RPSA2: variants seen among roughly 807,000 people sequenced by gnomAD.
RPSA2 encodes the protein ribosomal protein SA 2, also known as small ribosomal subunit protein uS2B.
At chr19:23,858,845 C>A in the RPSA2 span, among the ~76,000 whole-genome samples, 2 of 152,192 alleles carry the variant, frequency 1.3e-5, no homozygotes, top group African/African-American at 4.8e-5. Flanking sequence ...GTTTCTCATG[C>A]ACTCTGTAAA....
chr19:23,857,758 G>A, the RPSA2 span, among the ~76,000 whole-genome samples: 1 of 152,016 alleles, frequency 6.6e-6, no homozygotes, highest in East Asian at 1.9e-4. Flanking sequence ...GCCTCCCAAA[G>A]TGCTGGGATT....
chr19:23,829,615 A>G, the RPSA2 span, among the ~76,000 whole-genome samples: 1 of 152,206 alleles, frequency 6.6e-6, no homozygotes, highest in Non-Finnish European at 1.5e-5. Context: ...TTGTGTATTT[A>G]TACAAATATT....
At chr19:23,784,588 G>A in the RPSA2 span, among the ~76,000 whole-genome samples, 1 of 152,218 alleles carries the variant, frequency 6.6e-6, no homozygotes, top group Non-Finnish European at 1.5e-5. Context: ...GATCACCACT[G>A]TTGCCTATTG....
the RPSA2 span, chr19:23,827,531 G>A: frequency 1.9e-6 from 3 of 1,596,876 alleles, no homozygotes; most frequent in Middle Eastern, 2.1e-4. Flanking sequence ...GCTTCTTGTG[G>A]TTACTGACCC....
At chr19:23,774,543 T>G in the RPSA2 span, among the ~76,000 whole-genome samples, 283 of 152,344 alleles carry the variant, frequency 1.9e-3, 1 homozygote, top group Admixed American at 3.7e-3. Context: ...GACATATTAC[T>G]GGGCTCAACA....
the RPSA2 span, among the ~76,000 whole-genome samples, chr19:23,840,140 CTG>C: frequency 5.3e-5 from 8 of 152,330 alleles, no homozygotes; most frequent in Admixed American, 4.6e-4. Context: ...CAGGTCAAAA[CTG>C]TGTCCACATT....
the RPSA2 span, among the ~76,000 whole-genome samples, chr19:23,780,303 A>G: frequency 1.3e-5 from 2 of 152,090 alleles, no homozygotes; most frequent in African/African-American, 2.4e-5. Flanking sequence ...GGAAAAGCCC[A>G]CCGATGAGGC....
the RPSA2 span, among the ~76,000 whole-genome samples, chr19:23,773,812 G>A: frequency 6.6e-6 from 1 of 152,136 alleles, no homozygotes; most frequent in African/African-American, 2.4e-5. Context: ...GTCCACAGGA[G>A]GAGTATAGGC....
chr19:23,853,999 T>G, the RPSA2 span, among the ~76,000 whole-genome samples: 1 of 152,170 alleles, frequency 6.6e-6, no homozygotes, highest in African/African-American at 2.4e-5. Context: ...TGGACCATTG[T>G]TTAGAAATTA....
chr19:23,838,817 A>G, the RPSA2 span, among the ~76,000 whole-genome samples: 1 of 151,772 alleles, frequency 6.6e-6, no homozygotes, highest in Non-Finnish European at 1.5e-5. Flanking sequence ...TTTCTCAGTG[A>G]GGTTATTTGG....
At chr19:23,809,517 T>A in the RPSA2 span, 1 of 151,792 alleles carries the variant, frequency 6.6e-6, no homozygotes, top group Non-Finnish European at 1.5e-5. Flanking sequence ...TTAAATTTAT[T>A]TGTGTCCTCT....
At chr19:23,848,382 AAAACAAGCCGATT>A in the RPSA2 span, among the ~76,000 whole-genome samples, 1 of 152,088 alleles carries the variant, frequency 6.6e-6, no homozygotes, top group African/African-American at 2.4e-5. Context: ...CAGCACACTA[AAAACAAGCCGATT>A]AAACAGATAA....
chr19:23,821,870 G>A, the RPSA2 span, among the ~76,000 whole-genome samples: 1 of 152,158 alleles, frequency 6.6e-6, no homozygotes, highest in Non-Finnish European at 1.5e-5. Context: ...CCGCTAACAG[G>A]TTGGCCTTTT....
the RPSA2 span, among the ~76,000 whole-genome samples, chr19:23,765,476 T>A: frequency 6.6e-6 from 1 of 152,118 alleles, no homozygotes. Flanking sequence ...AATGAGATTA[T>A]GTCCATTGCA....
the RPSA2 span, among the ~76,000 whole-genome samples, chr19:23,853,361 C>CT: frequency 1.5e-3 from 53 of 34,238 alleles, no homozygotes; most frequent in African/African-American, 4.0e-3. Flanking sequence ...TGCCTGATTT[C>CT]TTTTTTACTA....
chr19:23,814,866 G>T, the RPSA2 span, among the ~76,000 whole-genome samples: 1 of 152,046 alleles, frequency 6.6e-6, no homozygotes, highest in Non-Finnish European at 1.5e-5. Context: ...TTTGTTTGGA[G>T]ACAGGATCTT....
At chr19:23,852,278 T>C in the RPSA2 span, among the ~76,000 whole-genome samples, 1 of 152,110 alleles carries the variant, frequency 6.6e-6, no homozygotes, top group Non-Finnish European at 1.5e-5. Context: ...TCTTAAATAA[T>C]TAATGTTACC....
At chr19:23,778,246 CTT>C in the RPSA2 span, among the ~76,000 whole-genome samples, 3 of 152,156 alleles carry the variant, frequency 2.0e-5, no homozygotes, top group African/African-American at 7.2e-5. Flanking sequence ...GAGTTTCACT[CTT>C]GTTTCCCAGG....
chr19:23,759,522 G>GTTTTTTTTTTTT, the RPSA2 span, among the ~76,000 whole-genome samples: 443 of 89,024 alleles, frequency 5.0e-3, 44 homozygotes, highest in South Asian at 0.02. Context: ...TATATATCAG[G>GTTTTTTTTTTTT]TTTTTTTTTT....
Sources: gnomAD v4.1 joint callset for allele counts (sites outside exome capture counted in the v4.1 genomes callset) on GRCh38, gnomAD v4.1.1 for gene constraint, MANE v1.5 for transcripts, NCBI Gene and HGNC (gene_info 2026-07-23, HGNC 2026-07-21) for gene names.